The following ATG3 variants were observed in gnomAD, a reference collection of about 807,000 sequenced individuals.
ATG3 encodes the protein autophagy related 3.
In ATG3, 25 loss-of-function variants were observed where a neutral mutation model predicts 50.7. The ratio of observed to expected loss-of-function variants is 0.49; its 90% CI spans 0.36 to 0.69. The LOEUF (loss-of-function observed/expected upper bound fraction) is 0.69, where lower values mean the gene tolerates loss of function less well. Among genes scored for constraint, ATG3 ranks in the 30% least tolerant of loss-of-function variants. The pLI is 0.00. For missense variants in ATG3, 281 were observed against 376.0 expected (o/e 0.75, Z 2.09); for synonymous variants, 119 against 125.5 (o/e 0.95, Z 0.34).
At chr3:112,554,069 T>C (rs1254767483) in intron 2 of ATG3, among the ~76,000 whole-genome samples, 4 of 152,230 alleles carry the variant, frequency 2.6e-5, no homozygotes, top group African/African-American at 9.6e-5. Context: ...CTTTAACCAT[T>C]TGAGAATTAT....
At chr3:112,538,369 C>T (rs1933133392) in intron 7 of ATG3, 189 bp from the exon 8 acceptor site, 2 of 544,788 alleles carry the variant, frequency 3.7e-6, no homozygotes, top group Admixed American at 3.8e-5. Flanking sequence ...CCAGAGAAAG[C>T]CAGCATGTTT....
chr3:112,548,079 C>T (rs57346109), intron 5 of ATG3, among the ~76,000 whole-genome samples: 10,219 of 152,114 alleles, frequency 0.067, 429 homozygotes, highest in Admixed American at 0.12. Context: ...TCTGGCCGGG[C>T]GCAGTGGCTC....
At chr3:112,553,881 GAA>G (rs1933593430) in intron 2 of ATG3, among the ~76,000 whole-genome samples, 1 of 152,120 alleles carries the variant, frequency 6.6e-6, no homozygotes, top group South Asian at 2.1e-4. Context: ...TTCTAAAAGA[GAA>G]ATGCAGTGCC....
intron 2 of ATG3, among the ~76,000 whole-genome samples, chr3:112,554,068 T>C (rs944740909): frequency 1.3e-5 from 2 of 152,340 alleles, no homozygotes; most frequent in Non-Finnish European, 1.5e-5. Flanking sequence ...ACTTTAACCA[T>C]TTGAGAATTA....
intron 1 of ATG3, 35 bp downstream of exon 1, chr3:112,561,422 G>T (rs2107399607): frequency 6.2e-7 from 1 of 1,606,756 alleles, no homozygotes. Context: ...TCGAGCATGT[G>T]CCTGACAGCT....
intron 4 of ATG3, among the ~76,000 whole-genome samples, chr3:112,549,219 G>C (rs1399250829): frequency 6.6e-6 from 1 of 152,124 alleles, no homozygotes; most frequent in East Asian, 1.9e-4. Flanking sequence ...TCAATTAACA[G>C]GTATTATTAT....
At chr3:112,533,795 T>C in intron 11 of ATG3, 16 of 985,412 alleles carry the variant, frequency 1.6e-5, no homozygotes, top group Non-Finnish European at 1.9e-5. Flanking sequence ...AGAAAGGTGC[T>C]ACTGTCTTGA....
At chr3:112,552,837 T>C (rs995315328) in intron 3 of ATG3, among the ~76,000 whole-genome samples, 1 of 151,974 alleles carries the variant, frequency 6.6e-6, no homozygotes, top group African/African-American at 2.4e-5. Context: ...TTTTTAGAGA[T>C]GGGTTTCACC....
At chr3:112,533,784 A>C in intron 11 of ATG3, 1 of 985,472 alleles carries the variant, frequency 1.0e-6, no homozygotes. Context: ...AGTAAGATAC[A>C]AGAAAGGTGC....
At chr3:112,551,104 TG>T (rs1933513148) in intron 3 of ATG3, among the ~76,000 whole-genome samples, 1 of 152,300 alleles carries the variant, frequency 6.6e-6, no homozygotes, top group South Asian at 2.1e-4. Context: ...TAAGAATTTG[TG>T]GGTCATCTGA....
intron 5 of ATG3, among the ~76,000 whole-genome samples, chr3:112,546,735 A>T (rs67944354): frequency 0.067 from 10,219 of 152,260 alleles, 428 homozygotes; most frequent in Admixed American, 0.12. Context: ...CAATCAATGG[A>T]TCCAGTCAGT....
intron 11 of ATG3, chr3:112,533,480 G>A: frequency 1.0e-6 from 1 of 985,276 alleles, no homozygotes; most frequent in Non-Finnish European, 1.2e-6. Context: ...TATCAAATCA[G>A]TTCAAAGTTC....
chr3:112,560,708 G>A (rs903583308), intron 1 of ATG3, among the ~76,000 whole-genome samples: 1 of 152,094 alleles, frequency 6.6e-6, no homozygotes, highest in Non-Finnish European at 1.5e-5. Flanking sequence ...CTTGAAGGCA[G>A]TTGTAGAAAT....
At chr3:112,550,295 A>T in intron 3 of ATG3, 33 bp from the exon 4 acceptor site, 1 of 1,510,956 alleles carries the variant, frequency 6.6e-7, no homozygotes, top group Non-Finnish European at 9.2e-7. Context: ...CAAAATACAA[A>T]ACATATTTTA....
intron 3 of ATG3, among the ~76,000 whole-genome samples, chr3:112,551,343 A>G (rs1261157525): frequency 1.3e-5 from 2 of 152,192 alleles, no homozygotes; most frequent in African/African-American, 4.8e-5. Context: ...GTTCTGAGGA[A>G]AGAGTTAAAA....
At chr3:112,555,401 A>G (rs1933640872) in intron 2 of ATG3, among the ~76,000 whole-genome samples, 2 of 152,220 alleles carry the variant, frequency 1.3e-5, no homozygotes, top group Admixed American at 6.5e-5. Context: ...TTATCAGTAT[A>G]TAATACTGAC....
chr3:112,542,254 A>G (rs1271450938), intron 6 of ATG3, among the ~76,000 whole-genome samples: 7 of 152,206 alleles, frequency 4.6e-5, no homozygotes, highest in African/African-American at 1.4e-4. Context: ...AAAAGTGCAC[A>G]TATCTGTAAA....
chr3:112,558,970 C>G (rs2952324), intron 1 of ATG3, among the ~76,000 whole-genome samples: 23,117 of 152,126 alleles, frequency 0.15, 4,057 homozygotes, highest in African/African-American at 0.42. Context: ...AACTCCTGAC[C>G]TCAGGTGATC....
intron 2 of ATG3, among the ~76,000 whole-genome samples, chr3:112,554,641 A>G (rs1049538642): frequency 3.3e-5 from 5 of 152,242 alleles, no homozygotes; most frequent in Admixed American, 1.3e-4. Flanking sequence ...CATACTTGCC[A>G]AATTACTTCT....
Sources: allele counts gnomAD v4.1 joint callset (sites outside exome capture counted in the v4.1 genomes callset), GRCh38; gene constraint gnomAD v4.1.1; transcripts MANE v1.5; gene names NCBI Gene and HGNC (gene_info 2026-07-23, HGNC 2026-07-21).